The following ZNF57 variants were observed in gnomAD, a reference collection of about 807,000 sequenced individuals.
The protein encoded by ZNF57 is zinc finger protein 57.
ZNF57 carries 11 observed loss-of-function variants against 13.4 expected under a neutral mutation model. The observed-to-expected ratio is 0.82, with a 90% CI of 0.52 to 1.36. ZNF57 has a LOEUF of 1.36. Among genes scored for constraint, ZNF57 ranks in the 40% most tolerant of loss-of-function variants. The pLI, the probability that ZNF57 is intolerant of heterozygous loss-of-function variation, is 0.00. For missense variants in ZNF57, 696 were observed against 667.5 expected (o/e 1.04, Z -0.47); for synonymous variants, 224 against 238.5 (o/e 0.94, Z 0.56).
At position 2,917,559 on chromosome 19, in the gene ZNF57, G is replaced by C; in HGVS notation, c.938G>C (p.Cys313Ser). ...TGEKPYECKQCGKTFSWSETL... is the reference protein window; with the variant it reads ...TGEKPYECKQSGKTFSWSETL... ...GAGAAGCCCTATGAATGCAAGCAGTGTGGGAAAACATTCAGTTGGTCTGAA... is the reference window on the plus strand; with the variant it reads ...GAGAAGCCCTATGAATGCAAGCAGTCTGGGAAAACATTCAGTTGGTCTGAA... The change falls in exon 4 of 4, where the codon TGT becomes TCT. Residue 313 changes from cysteine to serine, a missense_variant. Physicochemically the swap from Cys to Ser is moderately radical, Grantham distance 112. Transcript: ENST00000306908. 6.2e-7 allele frequency: 1 copy of C among 1,614,152 alleles called. No homozygotes were observed. Among genetic ancestry groups the C allele is most frequent in the African/African-American group, 1.3e-5 (1 of 75,054 alleles).
In ZNF57 at chr19:2,916,222, G is replaced by A. The variant is rs775966409; in HGVS notation, c.275G>A (p.Gly92Asp). 6 of 1,609,820 alleles carry A rather than the reference G, an allele frequency of 3.7e-6. No homozygotes were observed. In the Admixed American group the frequency reaches 5.1e-5, roughly 14 times the overall value. Residue 92 changes from glycine (G) to aspartate (D), a missense_variant, in exon 3 of 4, where the codon GGC (glycine) becomes GAC (aspartate). By Grantham distance (94) the Gly-to-Asp change is moderately conservative. This residue lies in a region of ZNF57 where 645 missense variants were observed against 591.5 expected (regional missense o/e 1.09). Coordinates refer to ENST00000306908, the MANE Select transcript of ZNF57 (RefSeq NM_173480.3). ...YTLEKNCEGY[G>D]TEDHHKNLRN... ...TTAGAAAAAAATTGTGAAGGCTATG[G>A]CACTGAAGACCACCACAAAAATCTG...
Position 2,915,439 on chromosome 19 carries a change from T to C in ZNF57, c.4-83T>C. 4 of 1,546,928 alleles carry C rather than the reference T, an allele frequency of 2.6e-6. No homozygotes were observed. In the South Asian group the frequency reaches 4.8e-5, roughly 18 times the overall value. ...GAGGTGTTGGGACACCACAGAATCT[T>C]GTTTGAATTTATGAATTGAGTCCAG... On this transcript the variant is annotated intron_variant, in intron 1 of 3. Transcript: ENST00000306908.
chr19:2,913,650 A>G (rs796133675), intron 1 of ZNF57, among the ~76,000 whole-genome samples: 24 of 150,956 alleles, frequency 1.6e-4, no homozygotes, highest in African/African-American at 5.6e-4. Flanking sequence ...GTCAGAGAAC[A>G]TACTTATTTC....
At chr19:2,916,692 G>T in intron 3 of ZNF57, 1 of 335,740 alleles carries the variant, frequency 3.0e-6, no homozygotes, top group South Asian at 5.3e-5. Context: ...CTCCAGCCTG[G>T]GTGACAGAGT....
At chr19:2,902,421 C>T (rs4806887) in intron 1 of ZNF57, among the ~76,000 whole-genome samples, 138,458 of 152,144 alleles carry the variant, frequency 0.91, 63,363 homozygotes, top group Non-Finnish European at 0.96. Context: ...ACCTGTTTAT[C>T]GTGGGGTACA....
chr19:2,908,459 T>TG (rs201213735), intron 1 of ZNF57, among the ~76,000 whole-genome samples: 25 of 103,162 alleles, frequency 2.4e-4, no homozygotes, highest in African/African-American at 8.8e-4. Context: ...GTTATTTTTT[T>TG]GGTTTTTTTT....
intron 1 of ZNF57, among the ~76,000 whole-genome samples, chr19:2,902,264 G>GTATC (rs925580512): frequency 6.6e-6 from 1 of 152,076 alleles, no homozygotes; most frequent in African/African-American, 2.4e-5. Flanking sequence ...TTGTTGCAGG[G>GTATC]TATCACTAAT....
At chr19:2,902,882 C>A (rs981069989) in intron 1 of ZNF57, among the ~76,000 whole-genome samples, 13 of 152,194 alleles carry the variant, frequency 8.5e-5, no homozygotes, top group Non-Finnish European at 1.3e-4. Context: ...CTGCTGCATT[C>A]TCACTCTACG....
intron 1 of ZNF57, among the ~76,000 whole-genome samples, chr19:2,907,866 C>T (rs2088090122): frequency 6.6e-6 from 1 of 152,152 alleles, no homozygotes; most frequent in Non-Finnish European, 1.5e-5. Context: ...TGCCATCATG[C>T]CTGGCTAATT....
intron 3 of ZNF57, chr19:2,916,687 G>A (rs1384567503): frequency 6.1e-6 from 2 of 326,930 alleles, no homozygotes; most frequent in Non-Finnish European, 5.5e-6. Flanking sequence ...CTGCACTCCA[G>A]CCTGGGTGAC....
rs760519732 is a variant in ZNF57, at chr19:2,917,319, T to C, written c.698T>C (p.Phe233Ser). Reference sequence around the variant, plus strand: ...AAATGCGAGCAGTGTCGGATGGCGTTTAATGGGTTCGCAAGCTTCACTAGA... The same window carrying C: ...AAATGCGAGCAGTGTCGGATGGCGTCTAATGGGTTCGCAAGCTTCACTAGA... ...TYKCEQCRMA[F>S]NGFASFTRHV... Residue 233 changes from phenylalanine (F) to serine (S), a missense_variant, in exon 4 of 4, where the codon TTT becomes TCT. Around this residue, in one of 3 missense-constraint regions of ZNF57, gnomAD observed 645 missense variants for 591.5 expected, o/e 1.09. Transcript: ENST00000306908. The C allele has an allele frequency of 1.2e-6, 2 of 1,614,058 alleles. No homozygotes were observed. The highest frequency in any genetic ancestry group is 2.2e-5 in the South Asian group (2 of 91,074).
At position 2,909,066 on chromosome 19, in the gene ZNF57, G is replaced by T. The variant is rs143264622; in HGVS notation, c.4-6456G>T. 2.6e-5 allele frequency among the ~76,000 whole-genome samples: 4 copies of T among 152,114 alleles called. No homozygotes were observed. The East Asian group carries it at 7.7e-4, about 29-fold the overall frequency. Reference sequence around the variant, plus strand: ...CTTACATGGCTGAGTCATATCTACTGTGTGGGCTGTACCACATTTTGTTTA... The same window carrying T: ...CTTACATGGCTGAGTCATATCTACTTTGTGGGCTGTACCACATTTTGTTTA... On this transcript the variant is annotated intron_variant, in intron 1 of 3. Transcript: ENST00000306908.
intron 1 of ZNF57, among the ~76,000 whole-genome samples, chr19:2,902,014 A>G (rs2088034453): frequency 6.6e-6 from 1 of 151,688 alleles, no homozygotes; most frequent in African/African-American, 2.4e-5. Flanking sequence ...GCGAGCGTGT[A>G]TTGTCACAAG....
Position 2,918,154 on chromosome 19 carries a change from G to A in ZNF57, c.1533G>A (p.Met511Ile). Residue 511 changes from methionine (M) to isoleucine (I), a missense_variant, in exon 4 of 4, where the codon ATG becomes ATA. Physicochemically the swap from Met to Ile is conservative, Grantham distance 10 (BLOSUM62 1). This residue lies in a region of ZNF57 where 645 missense variants were observed against 591.5 expected (regional missense o/e 1.09). Transcript: ENST00000306908. ...EKPHKCKQCG[M>I]SFKWHSSFRN... ...CTCACAAATGTAAACAATGTGGGAT[G>A]TCCTTCAAGTGGCACTCCTCCTTCC... 1 of 1,614,156 alleles carries A rather than the reference G, an allele frequency of 6.2e-7. No homozygotes were observed. Among genetic ancestry groups the A allele is most frequent in the Non-Finnish European group, 8.5e-7 (1 of 1,180,030 alleles).
rs2088023586 is a variant in ZNF57 at position 2,900,973 on chromosome 19, C to CCTTTCAGCTGCGCCGGCCTTTCAG, written c.-71_-70insTTCAGCTGCGCCGGCCTTTCAGCT. On this transcript the variant is annotated 5_prime_UTR_variant, in exon 1 of 4. Transcript: ENST00000306908. ...GCCTACCACGAGCGGCCCGGGAGTA[C>CCTTTCAGCTGCGCCGGCCTTTCAG]CTGTACCTTTCAGCTGCGCCGGCCG... 1 of 1,546,026 alleles carries CCTTTCAGCTGCGCCGGCCTTTCAG rather than the reference C, an allele frequency of 6.5e-7. No individual in the cohort carries two copies. Among genetic ancestry groups the CCTTTCAGCTGCGCCGGCCTTTCAG allele is most frequent in the East Asian group, 2.5e-5 (1 of 40,438 alleles).
intron 1 of ZNF57, among the ~76,000 whole-genome samples, chr19:2,914,129 T>G (rs764508167): frequency 2.0e-5 from 3 of 152,206 alleles, no homozygotes; most frequent in Non-Finnish European, 4.4e-5. Flanking sequence ...TTTCCTCGTA[T>G]TTCACCTAGA....
intron 1 of ZNF57, chr19:2,915,297 A>C (rs1315132717): frequency 4.1e-6 from 2 of 485,918 alleles, no homozygotes; most frequent in Non-Finnish European, 7.2e-6. Context: ...CTGGTAGAGG[A>C]AAATAAGAGC....
chr19:2,912,561 A>AG (rs1392611093), intron 1 of ZNF57, among the ~76,000 whole-genome samples: 3 of 152,044 alleles, frequency 2.0e-5, no homozygotes, highest in African/African-American at 4.8e-5. Context: ...CTTCAGTTTG[A>AG]GGGGGCAGAG....
rs1285105741 is a variant in ZNF57, at chr19:2,916,148, G to C, written c.201G>C (p.Lys67Asn). 6.2e-7 allele frequency: 1 copy of C among 1,613,908 alleles called. No individual in the cohort carries two copies. The highest frequency in any genetic ancestry group is 8.5e-7 in the Non-Finnish European group (1 of 1,179,974). The change falls in exon 3 of 4, where the codon AAG becomes AAC. Residue 67 changes from lysine (K) to asparagine (N), a missense_variant. Coordinates refer to ENST00000306908, the MANE Select transcript of ZNF57 (RefSeq NM_173480.3). ...LQDMYGQEKS[K>N]EQTIPNFTGN... ...ATATGTACGGGCAAGAAAAATCTAAGGAACAGACAATACCAAACTTCACAG... is the reference window on the plus strand; with the variant it reads ...ATATGTACGGGCAAGAAAAATCTAACGAACAGACAATACCAAACTTCACAG...
Sources: gnomAD v4.1 joint callset for allele counts (sites outside exome capture counted in the v4.1 genomes callset) on GRCh38, gnomAD v4.1.1 for gene constraint, gnomAD v4.1.1 regional missense constraint, MANE v1.5 for transcripts, NCBI Gene and HGNC (gene_info 2026-07-23, HGNC 2026-07-21) for gene names.